The following PARP15 variants were observed in gnomAD, a reference collection of about 807,000 sequenced individuals.
PARP15 encodes the protein protein mono-ADP-ribosyltransferase PARP15.
Under a neutral mutation model 62.1 loss-of-function variants are expected in PARP15, and 50 were observed. The observed-to-expected ratio is 0.81, with a 90% CI of 0.64 to 1.02. PARP15 has a LOEUF of 1.02. Ranked by LOEUF, PARP15 falls within the 50% of genes least tolerant of loss-of-function variation. The probability of loss-of-function intolerance (pLI) is 0.00; values close to 1 mark genes in which losing one functional copy is unlikely to be tolerated. For missense variants in PARP15, 820 were observed against 826.5 expected (o/e 0.99, Z 0.10); for synonymous variants, 309 against 293.1 (o/e 1.05, Z -0.55).
intron 1 of PARP15, among the ~76,000 whole-genome samples, chr3:122,580,701 G>T (rs1164084878): frequency 6.6e-6 from 1 of 152,028 alleles, no homozygotes; most frequent in Admixed American, 6.6e-5. Context: ...CCTTTTTAAG[G>T]CTGAATAATA....
intron 1 of PARP15, among the ~76,000 whole-genome samples, chr3:122,579,221 T>G (rs1039099313): frequency 6.6e-6 from 1 of 152,228 alleles, no homozygotes; most frequent in Non-Finnish European, 1.5e-5. Context: ...AGAAGGTTTA[T>G]AGTTATCTTC....
chr3:122,608,233 T>TTTTTC (rs1553730643), intron 2 of PARP15, among the ~76,000 whole-genome samples: 22 of 146,688 alleles, frequency 1.5e-4, no homozygotes, highest in East Asian at 5.9e-4. Flanking sequence ...TTTTTTTTTT[T>TTTTTC]TGATACTGAG....
chr3:122,583,596 G>T (rs993022998), intron 1 of PARP15, among the ~76,000 whole-genome samples: 8 of 152,128 alleles, frequency 5.3e-5, no homozygotes, highest in Non-Finnish European at 4.4e-5. Context: ...TCTTGAGATT[G>T]TATCTGGGTT....
rs969752737 is a variant in PARP15, at chr3:122,626,863, A to G, written c.1268A>G (p.Asn423Ser). The G allele has an allele frequency of 1.2e-6, 2 of 1,613,352 alleles. No individual in the cohort carries two copies. The highest frequency in any genetic ancestry group is 2.7e-5 in the African/African-American group (2 of 74,896). Residue 423 changes from asparagine to serine, a missense_variant, in exon 9 of 12, where the codon AAC becomes AGC. Asn to Ser is a conservative substitution (Grantham distance 46, BLOSUM62 1). This residue lies in a region of PARP15 where 731 missense variants were observed against 727.7 expected (regional missense o/e 1.00). Coordinates refer to ENST00000464300, the MANE Select transcript of PARP15 (RefSeq NM_001113523.3). ...AGKNPITVADNIIDAIVDFSS... is the reference protein window; with the variant it reads ...AGKNPITVADSIIDAIVDFSS... ...AAAAACCCTATCACAGTTGCTGATA[A>G]CATAATCGATGCTATTGTAGACTTC...
Position 122,638,758 on chromosome 3 carries a change from C to T in PARP15, c.*2658C>T, listed in dbSNP as rs1004956983. ...TCTCCCATTCTGTAGGTTGCCTGTTCACTCTGATGGTAGTTTCTTTTGTTG... is the reference window on the plus strand; with the variant it reads ...TCTCCCATTCTGTAGGTTGCCTGTTTACTCTGATGGTAGTTTCTTTTGTTG... On this transcript the variant is annotated 3_prime_UTR_variant, in exon 12 of 12. Coordinates refer to ENST00000464300, the MANE Select transcript of PARP15 (RefSeq NM_001113523.3). The T allele has an allele frequency of 4.6e-5, 7 of 152,070 alleles. No homozygotes were observed. The highest frequency in any genetic ancestry group is 4.6e-4 in the Admixed American group (7 of 15,264). The allele number at this position is 152,070 out of a possible 1,614,324, so 9.4% of individuals were successfully genotyped here. A position where few individuals can be genotyped will look rare whatever the true frequency, so the allele number is the denominator to read the frequency against.
chr3:122,607,406 C>T (rs1398097639), intron 2 of PARP15, among the ~76,000 whole-genome samples: 1 of 152,128 alleles, frequency 6.6e-6, no homozygotes, highest in African/African-American at 2.4e-5. Flanking sequence ...GGTCAATATC[C>T]ATCTTATGTC....
intron 9 of PARP15, among the ~76,000 whole-genome samples, chr3:122,628,475 C>T (rs2107594532): frequency 6.6e-6 from 1 of 152,242 alleles, no homozygotes; most frequent in East Asian, 1.9e-4. Context: ...TATAAACTAA[C>T]ATTTTTTCCC....
intron 4 of PARP15, chr3:122,615,368 G>C (rs1216422646): frequency 7.7e-7 from 1 of 1,295,264 alleles, no homozygotes; most frequent in Admixed American, 2.3e-5. Flanking sequence ...AACAGCCAAA[G>C]ATGCCAAGGA....
intron 10 of PARP15, among the ~76,000 whole-genome samples, chr3:122,633,832 GA>G (rs754965166): frequency 1.1e-4 from 16 of 152,154 alleles, no homozygotes; most frequent in Non-Finnish European, 1.8e-4. Context: ...CAATATCTGT[GA>G]CTTTCTTGGC....
intron 2 of PARP15, among the ~76,000 whole-genome samples, chr3:122,609,635 G>A (rs61029975): frequency 6.6e-6 from 1 of 151,070 alleles, no homozygotes; most frequent in Admixed American, 6.6e-5. Flanking sequence ...GAGGCAGAGG[G>A]TGCAGTGAGC....
chr3:122,597,543 T>C (rs1291523388), intron 1 of PARP15, among the ~76,000 whole-genome samples: 2 of 152,176 alleles, frequency 1.3e-5, no homozygotes, highest in African/African-American at 4.8e-5. Context: ...ATTACAGATG[T>C]GAGTCACCGC....
At position 122,610,554 on chromosome 3, in the gene PARP15, C is replaced by G; in HGVS notation, c.367C>G (p.Arg123Gly). 1 of 1,551,684 alleles carries G rather than the reference C, an allele frequency of 6.4e-7. No homozygotes were observed. Among genetic ancestry groups the G allele is most frequent in the Non-Finnish European group, 8.7e-7 (1 of 1,147,002 alleles). Reference protein sequence around the residue: ...NLQLGGGPLSRAFLQKAGPML... With the variant: ...NLQLGGGPLSGAFLQKAGPML... ...TCAGCTTGGAGGAGGACCACTATCT[C>G]GGGCATTTTTGCAGAAAGCTGGTCC... The change falls in exon 3 of 12, where the codon CGG (arginine) becomes GGG (glycine). Residue 123 changes from arginine to glycine, a missense_variant. Physicochemically the swap from Arg to Gly is moderately radical, Grantham distance 125. Around this residue, in one of 3 missense-constraint regions of PARP15, gnomAD observed 731 missense variants for 727.7 expected, o/e 1.00. Transcript: ENST00000464300.
intron 8 of PARP15, among the ~76,000 whole-genome samples, chr3:122,626,606 T>A (rs1379677502): frequency 6.6e-6 from 1 of 152,194 alleles, no homozygotes; most frequent in African/African-American, 2.4e-5. Flanking sequence ...TGGAGTAGTC[T>A]TGTTTTTGTG....
intron 2 of PARP15, among the ~76,000 whole-genome samples, chr3:122,606,759 A>G (rs899133325): frequency 6.6e-6 from 1 of 152,172 alleles, no homozygotes; most frequent in Admixed American, 6.6e-5. Context: ...AAGCATTCCA[A>G]GTGATTATCT....
intron 1 of PARP15, among the ~76,000 whole-genome samples, chr3:122,578,097 T>C (rs2080722860): frequency 6.6e-6 from 1 of 151,886 alleles, no homozygotes; most frequent in South Asian, 2.1e-4. Flanking sequence ...TTATAAAGTT[T>C]GAAAGGATAT....
intron 1 of PARP15, among the ~76,000 whole-genome samples, chr3:122,586,532 T>C (rs1933443591): frequency 1.3e-5 from 2 of 152,202 alleles, no homozygotes; most frequent in South Asian, 4.1e-4. Flanking sequence ...TTTTGAGAGA[T>C]TAAGGCTTAT....
At chr3:122,586,745 C>G (rs772872583) in intron 1 of PARP15, among the ~76,000 whole-genome samples, 1 of 151,534 alleles carries the variant, frequency 6.6e-6, no homozygotes, top group Non-Finnish European at 1.5e-5. Flanking sequence ...CCCCAACTAT[C>G]AACATCCAGC....
intron 1 of PARP15, chr3:122,594,834 A>C: frequency 1.0e-6 from 1 of 983,130 alleles, no homozygotes; most frequent in Non-Finnish European, 1.2e-6. Context: ...ACAGACAACA[A>C]CCATTAAGAT....
At position 122,577,785 on chromosome 3, in the gene PARP15, G is replaced by C; in HGVS notation, c.118G>C (p.Gly40Arg). The C allele has an allele frequency of 6.4e-7, 1 of 1,551,556 alleles. No individual in the cohort carries two copies. Residue 40 changes from glycine to arginine, a missense_variant, in exon 1 of 12, where the codon GGG (glycine) becomes CGG (arginine). This residue lies in a region of PARP15 where 731 missense variants were observed against 727.7 expected (regional missense o/e 1.00). Transcript: ENST00000464300. The part of the protein sequence containing the change: ...TSRAGRDREA[G>R]SVLPAGNRGA... ...CAGAGCCGGACGAGATCGGGAGGCG[G>C]GGAGCGTGCTGCCGGCCGGGAACCG...
Sources: gnomAD v4.1 joint callset for allele counts (sites outside exome capture counted in the v4.1 genomes callset) on GRCh38, gnomAD v4.1.1 for gene constraint, gnomAD v4.1.1 regional missense constraint, MANE v1.5 for transcripts, NCBI Gene and HGNC (gene_info 2026-07-23, HGNC 2026-07-21) for gene names.